The following WDPCP variants were observed in gnomAD, a reference collection of about 807,000 sequenced individuals.
WDPCP encodes the protein WD repeat containing planar cell polarity effector, also known as WD repeat-containing and planar cell polarity effector protein fritz homolog.
Under a neutral mutation model 93.1 loss-of-function variants are expected in WDPCP, and 71 were observed. The ratio of observed to expected loss-of-function variants is 0.76; its 90% CI spans 0.63 to 0.93. WDPCP has a LOEUF of 0.93. Among genes scored for constraint, WDPCP ranks in the 40% least tolerant of loss-of-function variants. The pLI, the probability that WDPCP is intolerant of heterozygous loss-of-function variation, is 0.00. For synonymous variants in WDPCP, 315 were observed against 315.0 expected, an observed-to-expected ratio of 1.00 and a Z score of 0.00; for missense variants, 844 against 887.4, an observed-to-expected ratio of 0.95 and a Z score of 0.62.
At chr2:63,468,441 C>T (rs1699492098) in intron 6 of WDPCP, among the ~76,000 whole-genome samples, 1 of 152,158 alleles carries the variant, frequency 6.6e-6, no homozygotes, top group Admixed American at 6.6e-5. Flanking sequence ...TTACCTCCAC[C>T]CCACAGCCTC....
intron 13 of WDPCP, among the ~76,000 whole-genome samples, chr2:63,271,913 A>G (rs2104863652): frequency 6.6e-6 from 1 of 152,220 alleles, no homozygotes; most frequent in Admixed American, 6.5e-5. Context: ...ATTGCTTATG[A>G]GCCTCTAGGT....
At chr2:63,511,241 C>T (rs573197276) in intron 1 of WDPCP, among the ~76,000 whole-genome samples, 2 of 152,038 alleles carry the variant, frequency 1.3e-5, no homozygotes, top group African/African-American at 4.8e-5. Context: ...TCAAGGAAAT[C>T]AGAGAGGACA....
intron 12 of WDPCP, among the ~76,000 whole-genome samples, chr2:63,315,399 A>T (rs558617495): frequency 1.5e-5 from 2 of 133,196 alleles, no homozygotes; most frequent in East Asian, 4.7e-4. Flanking sequence ...CTTTCACAGA[A>T]ACAAACAAAT....
intron 2 of WDPCP, among the ~76,000 whole-genome samples, chr2:63,781,245 G>T (rs553717126): frequency 1.3e-5 from 2 of 152,254 alleles, no homozygotes; most frequent in African/African-American, 4.8e-5. Context: ...GCTCTAAAAT[G>T]CCATGTAGGT....
chr2:63,533,041 A>T (rs1445428544), intron 1 of WDPCP, among the ~76,000 whole-genome samples: 1 of 152,196 alleles, frequency 6.6e-6, no homozygotes, highest in African/African-American at 2.4e-5. Context: ...GAAAACAAAA[A>T]AAAGCAGGGG....
intron 13 of WDPCP, among the ~76,000 whole-genome samples, chr2:63,311,201 A>C (rs1686164351): frequency 6.6e-6 from 1 of 152,176 alleles, no homozygotes; most frequent in South Asian, 2.1e-4. Context: ...TATTATTTTT[A>C]GTCTTTTAGC....
At chr2:63,622,069 T>TTTTTTTTTTTTTTTTTTC in intron 3 of WDPCP, 1 of 511,406 alleles carries the variant, frequency 2.0e-6, no homozygotes, top group South Asian at 3.5e-5. Flanking sequence ...CTTTTTTCTT[T>TTTTTTTTTTTTTTTTTTC]TTTTTTTTTT....
intron 12 of WDPCP, among the ~76,000 whole-genome samples, chr2:63,361,501 T>C (rs1434687441): frequency 6.6e-6 from 1 of 152,114 alleles, no homozygotes; most frequent in Non-Finnish European, 1.5e-5. Context: ...TTAATGATGT[T>C]TGCAAAATCT....
intron 12 of WDPCP, among the ~76,000 whole-genome samples, chr2:63,338,160 T>C (rs1032995003): frequency 6.6e-6 from 1 of 152,318 alleles, no homozygotes; most frequent in East Asian, 1.9e-4. Context: ...TAATCCATTT[T>C]AATTTAATTT....
At chr2:63,501,909 C>A (rs1316036795) in intron 1 of WDPCP, among the ~76,000 whole-genome samples, 1 of 152,186 alleles carries the variant, frequency 6.6e-6, no homozygotes, top group African/African-American at 2.4e-5. Flanking sequence ...AGCCACCGTG[C>A]CTGACTGGTC....
At chr2:63,358,147 C>T (rs1029246056) in intron 12 of WDPCP, among the ~76,000 whole-genome samples, 6 of 151,960 alleles carry the variant, frequency 3.9e-5, no homozygotes, top group Non-Finnish European at 8.8e-5. Flanking sequence ...GGCTTAATAC[C>T]TGGGTAATGA....
At chr2:63,704,199 G>A (rs1347610024) in intron 2 of WDPCP, among the ~76,000 whole-genome samples, 4 of 152,156 alleles carry the variant, frequency 2.6e-5, no homozygotes, top group African/African-American at 9.7e-5. Context: ...GGAGATTTTG[G>A]CTGAGATGAT....
At position 63,575,478 on chromosome 2, in the gene WDPCP, A is replaced by C. The variant is rs1393546208; in HGVS notation, c.75+12719T>G. ...TATACAGTATATATGCAGTATATAC[A>C]GTGTATATATAGTATATACAGTATA... On this transcript the variant is annotated intron_variant, in intron 1 of 17. Coordinates refer to ENST00000272321, the MANE Select transcript of WDPCP (RefSeq NM_015910.7). Among the ~76,000 whole-genome samples, 14 of 102,990 alleles carry C rather than the reference A, an allele frequency of 1.4e-4. 2 individuals are homozygous for C. Among genetic ancestry groups the C allele is most frequent in the South Asian group, 8.9e-4 (3 of 3,356 alleles). The allele number at this position is 102,990 out of a possible 152,430, so 67.6% of individuals were successfully genotyped here.
chr2:63,228,277 TG>T lies in WDPCP; in HGVS notation c.1915+31029del, dbSNP rs570931895. ...TTCAACTTTCAGTAATATTAACACA[TG>T]AAAAAAAATCCTTACACCTAACTAT... is the stretch of plus-strand genomic sequence containing the variant. On this transcript the variant is annotated intron_variant, in intron 14 of 17. Transcript: ENST00000272321. The T allele has an allele frequency of 1.5e-3, 235 of 151,794 alleles. 1 individual carries two copies. Among genetic ancestry groups the T allele is most frequent in the African/African-American group, 5.0e-3 (209 of 41,492 alleles). 9.4% of individuals were successfully genotyped at this position (151,794 alleles called of 1,614,324 possible). A position where few individuals can be genotyped will look rare whatever the true frequency, so the allele number is the denominator to read the frequency against.
At chr2:63,426,761 G>A (rs1696332136) in intron 9 of WDPCP, among the ~76,000 whole-genome samples, 1 of 152,132 alleles carries the variant, frequency 6.6e-6, no homozygotes, top group South Asian at 2.1e-4. Flanking sequence ...TAAAAGGCAT[G>A]GAGTTGCAAG....
intron 2 of WDPCP, among the ~76,000 whole-genome samples, chr2:63,714,866 C>T (rs1669312522): frequency 6.6e-6 from 1 of 152,114 alleles, no homozygotes; most frequent in Admixed American, 6.5e-5. Context: ...TAATAGTACA[C>T]AAATGTTCAT....
At chr2:63,142,871 TAC>T (rs1671191018) in intron 17 of WDPCP, among the ~76,000 whole-genome samples, 1 of 146,798 alleles carries the variant, frequency 6.8e-6, no homozygotes, top group African/African-American at 2.5e-5. Flanking sequence ...TATACACACA[TAC>T]ATATATACAC....
At chr2:63,581,213 T>C (rs1708474559) in intron 1 of WDPCP, among the ~76,000 whole-genome samples, 1 of 152,136 alleles carries the variant, frequency 6.6e-6, no homozygotes, top group African/African-American at 2.4e-5. Flanking sequence ...TGAGAGAATG[T>C]ACAGTGCAAG....
chr2:63,746,478 G>A (rs1669799207), intron 2 of WDPCP, among the ~76,000 whole-genome samples: 1 of 152,118 alleles, frequency 6.6e-6, no homozygotes, highest in Non-Finnish European at 1.5e-5. Flanking sequence ...CCTGTGGGCT[G>A]GGCAGGACAG....
Sources: allele counts gnomAD v4.1 joint callset (sites outside exome capture counted in the v4.1 genomes callset), GRCh38; gene constraint gnomAD v4.1.1; transcripts MANE v1.5; gene names NCBI Gene and HGNC (gene_info 2026-07-23, HGNC 2026-07-21).